Variants in ZFP62 observed in about 807,000 individuals in gnomAD.
ZFP62 encodes the protein zinc finger protein 62 homolog.
Under a neutral mutation model 56.4 loss-of-function variants are expected in ZFP62, and 44 were observed. The observed-to-expected ratio is 0.78, with a 90% CI of 0.61 to 1.00. ZFP62 has a LOEUF of 1.00. Among genes scored for constraint, ZFP62 ranks in the 50% least tolerant of loss-of-function variants. ZFP62 has a pLI of 0.00. For missense variants in ZFP62, 1,030 were observed against 1,085.7 expected, an observed-to-expected ratio of 0.95 and a Z score of 0.72; for synonymous variants, 421 against 388.9, an observed-to-expected ratio of 1.08 and a Z score of -0.97.
rs557576345 is a variant in ZFP62, at chr5:180,849,503, T to C, written c.1992A>G (p.Lys664=). 1 of 1,552,174 alleles carries C rather than the reference T, an allele frequency of 6.4e-7. No homozygotes were observed. The highest frequency in any genetic ancestry group is 8.7e-7 in the Non-Finnish European group (1 of 1,147,116). Residue 664 remains lysine (K), a synonymous_variant, in exon 2 of 2, where the codon AAA becomes AAG. Coordinates refer to ENST00000502412, the MANE Select transcript of ZFP62 (RefSeq NM_001172638.2). ...FRNNSSLKVH[K]RIHTGERPYE... ...AGGGCCTCTCCCCAGTATGGATTCT[T>C]TTATGAACTTTAAGGCTTGAGTTGT... is the stretch of plus-strand genomic sequence containing the variant.
the ZFP62 span, among the ~76,000 whole-genome samples, chr5:180,829,061 G>A: frequency 6.6e-6 from 1 of 152,156 alleles, no homozygotes; most frequent in African/African-American, 2.4e-5. Context: ...CCGGTTCTCT[G>A]CTCTTAGACC....
downstream of ZFP62, among the ~76,000 whole-genome samples, chr5:180,843,011 C>G (rs1245994328): frequency 6.7e-6 from 1 of 149,580 alleles, no homozygotes; most frequent in Non-Finnish European, 1.5e-5. Flanking sequence ...CCACTGCACT[C>G]CAGCCTGGGT....
At chr5:180,835,256 G>C in the ZFP62 span, 2 of 152,378 alleles carry the variant, frequency 1.3e-5, no homozygotes, top group South Asian at 2.1e-4. Flanking sequence ...GGTGGAAGAA[G>C]GGTGAATTCT....
chr5:180,849,509 A>G lies in ZFP62; in HGVS notation c.1986T>C (p.Val662=). 1 of 1,551,482 alleles carries G rather than the reference A, an allele frequency of 6.4e-7. No individual in the cohort carries two copies. Residue 662 remains valine, a synonymous_variant, in exon 2 of 2, where the codon GTT becomes GTC. Transcript: ENST00000502412. The part of the protein sequence containing the change: ...KVFRNNSSLK[V]HKRIHTGERP... The stretch of plus-strand genomic sequence containing the variant: ...TCTCCCCAGTATGGATTCTTTTATG[A>G]ACTTTAAGGCTTGAGTTGTTTCTGA...
At chr5:180,840,638 C>A in the ZFP62 span, among the ~76,000 whole-genome samples, 1 of 151,940 alleles carries the variant, frequency 6.6e-6, no homozygotes, top group Non-Finnish European at 1.5e-5. Flanking sequence ...CGCCTGTAAT[C>A]CCAGCTACTC....
At chr5:180,856,424 G>T (rs561045949) in intron 1 of ZFP62, among the ~76,000 whole-genome samples, 16 of 152,296 alleles carry the variant, frequency 1.1e-4, no homozygotes, top group East Asian at 1.9e-4. Context: ...TACAAAGAAT[G>T]TAACACATAA....
chr5:180,856,542 T>C (rs1773982297), intron 1 of ZFP62, among the ~76,000 whole-genome samples: 1 of 152,250 alleles, frequency 6.6e-6, no homozygotes, highest in Non-Finnish European at 1.5e-5. Context: ...GTCTGCATCC[T>C]GTTTGTTTTC....
At chr5:180,832,180 T>C in the ZFP62 span, among the ~76,000 whole-genome samples, 1 of 152,198 alleles carries the variant, frequency 6.6e-6, no homozygotes, top group East Asian at 1.9e-4. Context: ...TTTGAGACAG[T>C]CTGTTCTGTC....
intron 1 of ZFP62, among the ~76,000 whole-genome samples, chr5:180,852,845 A>C (rs1253326492): frequency 6.6e-6 from 1 of 152,222 alleles, no homozygotes; most frequent in Non-Finnish European, 1.5e-5. Flanking sequence ...TAAACATTCG[A>C]CTTGATTCAT....
Position 180,849,219 on chromosome 5 carries a change from C to T in ZFP62, c.2276G>A (p.Cys759Tyr). 1 of 1,559,734 alleles carries T rather than the reference C, an allele frequency of 6.4e-7. No homozygotes were observed. The highest frequency in any genetic ancestry group is 8.7e-7 in the Non-Finnish European group (1 of 1,151,944). Residue 759 changes from cysteine to tyrosine, a missense_variant, in exon 2 of 2, where the codon TGT becomes TAT. Coordinates refer to ENST00000502412, the MANE Select transcript of ZFP62 (RefSeq NM_001172638.2). ...CCTGAAGGCCTTCCCACACCTATCA[C>T]ACACATAGGGTTTCTCCCCTGTGTG... Reference protein sequence around the residue: ...RIHTGEKPYVCDRCGKAFRNS... With the variant: ...RIHTGEKPYVYDRCGKAFRNS...
At position 180,850,092 on chromosome 5, in the gene ZFP62, C is replaced by A. The variant is rs375939028; in HGVS notation, c.1403G>T (p.Arg468Met). 2.6e-6 allele frequency: 4 copies of A among 1,551,674 alleles called. No individual in the cohort carries two copies. The African/African-American group carries it at 5.5e-5, about 21-fold the overall frequency. Residue 468 changes from arginine to methionine, a missense_variant, in exon 2 of 2, where the codon AGG (arginine) becomes ATG (methionine). By Grantham distance (91) the Arg-to-Met change is moderately conservative (BLOSUM62 -1). Coordinates refer to ENST00000502412, the MANE Select transcript of ZFP62 (RefSeq NM_001172638.2). ...FRNNAGLKVH[R>M]RLHTGEKPYK... ...TGGTTTTTCCCCAGTATGGAGCCTC[C>A]TGTGGACTTTGAGGCCTGCATTGTT...
Position 180,848,881 on chromosome 5 carries a change from A to T in ZFP62, c.2614T>A (p.Tyr872Asn), listed in dbSNP as rs1407818849. The T allele has an allele frequency of 6.4e-7, 1 of 1,551,614 alleles. No homozygotes were observed. Among genetic ancestry groups the T allele is most frequent in the Non-Finnish European group, 8.7e-7 (1 of 1,146,948 alleles). Residue 872 changes from tyrosine to asparagine, a missense_variant, in exon 2 of 2, where the codon TAT becomes AAT. Coordinates refer to ENST00000502412, the MANE Select transcript of ZFP62 (RefSeq NM_001172638.2). ...HTGEESLNVI[Y>N]VGSYSGTSQK... Reference sequence around the variant, plus strand: ...GATGTGCCACTATAACTTCCCACATATATCACATTTAAAGATTCCTCTCCA... The same window carrying T: ...GATGTGCCACTATAACTTCCCACATTTATCACATTTAAAGATTCCTCTCCA...
chr5:180,852,554 C>CAAAAAA (rs36030316), intron 1 of ZFP62, among the ~76,000 whole-genome samples: 1 of 109,472 alleles, frequency 9.1e-6, no homozygotes, highest in Non-Finnish European at 1.9e-5. Context: ...CTCCGTCTCA[C>CAAAAAA]AAAAAAAAAA....
downstream of ZFP62, among the ~76,000 whole-genome samples, chr5:180,845,291 T>C (rs1017393332): frequency 1.2e-4 from 15 of 121,108 alleles, no homozygotes; most frequent in African/African-American, 4.9e-4. Flanking sequence ...CTAATGCCCC[T>C]GCACTCCAGC....
At chr5:180,828,267 G>A in the ZFP62 span, among the ~76,000 whole-genome samples, 3 of 152,144 alleles carry the variant, frequency 2.0e-5, no homozygotes, top group East Asian at 1.9e-4. Context: ...GTAAGGCTTC[G>A]ATTACTAAAT....
the ZFP62 span, chr5:180,831,690 A>G: frequency 1.3e-5 from 2 of 152,476 alleles, no homozygotes; most frequent in Non-Finnish European, 2.9e-5. Flanking sequence ...GACCTGCCCA[A>G]CGACCGTTCT....
rs1773637154 is a variant in ZFP62, at chr5:180,850,517, G to T, written c.978C>A (p.Asn326Lys). ...KAFITCRTLL[N>K]HKSIHFGDKP... ...TATCTCCAAAGTGGATGCTTTTATGGTTGAGAAGTGTTCTACAAGTAATGA... is the reference window on the plus strand; with the variant it reads ...TATCTCCAAAGTGGATGCTTTTATGTTTGAGAAGTGTTCTACAAGTAATGA... The change falls in exon 2 of 2, where the codon AAC becomes AAA. Residue 326 changes from asparagine (N) to lysine (K), a missense_variant. Physicochemically the swap from Asn to Lys is moderately conservative, Grantham distance 94. Transcript: ENST00000502412. 6.4e-7 allele frequency: 1 copy of T among 1,552,956 alleles called. No homozygotes were observed. The highest frequency in any genetic ancestry group is 2.0e-5 in the Admixed American group (1 of 51,022).
the ZFP62 span, among the ~76,000 whole-genome samples, chr5:180,828,773 G>A: frequency 1.3e-5 from 2 of 152,180 alleles, no homozygotes; most frequent in African/African-American, 4.8e-5. Context: ...ACTGCCTGCG[G>A]GGTCAGGCAA....
In ZFP62 at chr5:180,847,686, G is replaced by C. The variant is rs545022529; in HGVS notation, c.*1106C>G. The C allele has an allele frequency of 1.0e-5, 10 of 985,330 alleles. No individual in the cohort carries two copies. The East Asian group carries it at 9.1e-4, about 89-fold the overall frequency. 61.0% of individuals were successfully genotyped at this position (985,330 alleles called of 1,614,324 possible). A position where few individuals can be genotyped will look rare whatever the true frequency, so the allele number is the denominator to read the frequency against. On this transcript the variant is annotated 3_prime_UTR_variant, in exon 2 of 2. Coordinates refer to ENST00000502412, the MANE Select transcript of ZFP62 (RefSeq NM_001172638.2). Reference sequence around the variant, plus strand: ...GGAGCTGGCTTTCATGACAAAGAGAGAGTGAGCCCTGAACAAAGTATTCGT... The same window carrying C: ...GGAGCTGGCTTTCATGACAAAGAGACAGTGAGCCCTGAACAAAGTATTCGT...
Sources: allele counts gnomAD v4.1 joint callset (sites outside exome capture counted in the v4.1 genomes callset), GRCh38; gene constraint gnomAD v4.1.1; transcripts MANE v1.5; gene names NCBI Gene and HGNC (gene_info 2026-07-23, HGNC 2026-07-21).